Variants in PHACTR1 observed in about 807,000 individuals in gnomAD.
The protein encoded by PHACTR1 is RPEL repeat containing 1.
PHACTR1 carries 16 observed loss-of-function variants against 69.2 expected under a neutral mutation model. That is an observed-to-expected ratio of 0.23 (90% CI 0.16 to 0.35). The LOEUF (loss-of-function observed/expected upper bound fraction) is 0.35. Among genes scored for constraint, PHACTR1 ranks in the 10% least tolerant of loss-of-function variants. The pLI is 1.00. For missense variants in PHACTR1, 510 were observed against 734.7 expected, an observed-to-expected ratio of 0.69 and a Z score of 3.54; for synonymous variants, 312 against 284.5, an observed-to-expected ratio of 1.10 and a Z score of -0.97.
chr6:13,073,065 C>T (rs562400042), intron 5 of PHACTR1, among the ~76,000 whole-genome samples: 2 of 151,970 alleles, frequency 1.3e-5, no homozygotes, highest in East Asian at 1.9e-4. Flanking sequence ...TTGCAAAGGA[C>T]CAATCCACCG....
intron 7 of PHACTR1, among the ~76,000 whole-genome samples, chr6:13,191,902 C>T (rs1487720585): frequency 6.6e-6 from 1 of 152,178 alleles, no homozygotes; most frequent in Non-Finnish European, 1.5e-5. Flanking sequence ...TCTCAAAATG[C>T]AGAAGTTTTT....
At chr6:13,138,332 G>A (rs1821874296) in intron 5 of PHACTR1, among the ~76,000 whole-genome samples, 1 of 152,188 alleles carries the variant, frequency 6.6e-6, no homozygotes, top group South Asian at 2.1e-4. Flanking sequence ...ACATCTCAAA[G>A]GCCCAGAGAA....
intron 7 of PHACTR1, among the ~76,000 whole-genome samples, chr6:13,191,269 G>A (rs752073371): frequency 6.6e-5 from 10 of 152,168 alleles, no homozygotes; most frequent in Non-Finnish European, 1.3e-4. Flanking sequence ...TTGCATAGAA[G>A]TCTCTCTTGG....
At chr6:13,240,293 T>A (rs1408443526) in intron 10 of PHACTR1, among the ~76,000 whole-genome samples, 1 of 152,180 alleles carries the variant, frequency 6.6e-6, no homozygotes, top group Non-Finnish European at 1.5e-5. Flanking sequence ...AAGACTGGGC[T>A]GTTTATTACT....
intron 5 of PHACTR1, among the ~76,000 whole-genome samples, chr6:13,105,456 C>CA (rs1212980531): frequency 6.6e-6 from 1 of 152,020 alleles, no homozygotes; most frequent in Non-Finnish European, 1.5e-5. Flanking sequence ...GCCCCAGTTC[C>CA]AAAAAGGTTT....
At chr6:13,085,642 T>C (rs1318562169) in intron 5 of PHACTR1, among the ~76,000 whole-genome samples, 2 of 152,208 alleles carry the variant, frequency 1.3e-5, no homozygotes, top group East Asian at 1.9e-4. Flanking sequence ...TATCAACTTA[T>C]ACCTCTCAAG....
chr6:12,909,113 G>A (rs1297350521), intron 4 of PHACTR1, among the ~76,000 whole-genome samples: 1 of 152,184 alleles, frequency 6.6e-6, no homozygotes, highest in African/African-American at 2.4e-5. Flanking sequence ...CAGTACTTGA[G>A]TGGATGTGAG....
intron 4 of PHACTR1, among the ~76,000 whole-genome samples, chr6:12,919,697 A>T (rs1301120349): frequency 4.6e-5 from 7 of 152,236 alleles, no homozygotes; most frequent in Admixed American, 3.9e-4. Context: ...ATCTAATTCC[A>T]AAGTCAAGTT....
At chr6:13,028,381 C>T (rs1445999000) in intron 4 of PHACTR1, among the ~76,000 whole-genome samples, 1 of 152,190 alleles carries the variant, frequency 6.6e-6, no homozygotes, top group Non-Finnish European at 1.5e-5. Context: ...GCTGGACATA[C>T]TTATTCAGTG....
chr6:12,755,995 G>C (rs896897480), intron 4 of PHACTR1, among the ~76,000 whole-genome samples: 4 of 151,968 alleles, frequency 2.6e-5, no homozygotes, highest in African/African-American at 9.7e-5. Flanking sequence ...TTTTCTTCAC[G>C]TGCATATAAA....
chr6:13,162,394 T>A (rs1005184085), intron 6 of PHACTR1, among the ~76,000 whole-genome samples: 23 of 152,278 alleles, frequency 1.5e-4, no homozygotes, highest in Admixed American at 1.2e-3. Flanking sequence ...CCCAAAGTGC[T>A]GGGATTACAG....
intron 5 of PHACTR1, among the ~76,000 whole-genome samples, chr6:13,102,990 C>T (rs565034818): frequency 1.2e-4 from 18 of 152,256 alleles, no homozygotes; most frequent in African/African-American, 4.8e-5. Context: ...GCAGTCCAAG[C>T]CATGCTATTT....
intron 4 of PHACTR1, among the ~76,000 whole-genome samples, chr6:12,854,123 A>G (rs926550739): frequency 1.3e-5 from 2 of 152,206 alleles, no homozygotes; most frequent in Non-Finnish European, 2.9e-5. Context: ...TATGCCATGA[A>G]AAACCTTCAA....
At chr6:12,934,304 C>T (rs528339615) in intron 4 of PHACTR1, among the ~76,000 whole-genome samples, 7 of 152,344 alleles carry the variant, frequency 4.6e-5, no homozygotes, top group African/African-American at 9.6e-5. Context: ...CCTAACCTAA[C>T]GACCTTGTTT....
chr6:12,963,223 A>G (rs1792977723), intron 4 of PHACTR1, among the ~76,000 whole-genome samples: 1 of 152,228 alleles, frequency 6.6e-6, no homozygotes, highest in African/African-American at 2.4e-5. Context: ...GGCATGGACG[A>G]AAAAGTAATA....
At chr6:12,754,359 T>G (rs1366357812) in intron 4 of PHACTR1, among the ~76,000 whole-genome samples, 1 of 152,172 alleles carries the variant, frequency 6.6e-6, no homozygotes. Flanking sequence ...TTCACTCTTT[T>G]GCTGAAGAAT....
At chr6:13,202,516 C>T (rs1003187206) in intron 7 of PHACTR1, among the ~76,000 whole-genome samples, 4 of 142,630 alleles carry the variant, frequency 2.8e-5, no homozygotes, top group South Asian at 2.2e-4. Context: ...GAGTTTCACT[C>T]GCCCAGGCTA....
chr6:13,095,004 G>A (rs1444936867), intron 5 of PHACTR1, among the ~76,000 whole-genome samples: 1 of 152,122 alleles, frequency 6.6e-6, no homozygotes, highest in Admixed American at 6.5e-5. Context: ...ACTCACCAGA[G>A]AGCTTGCTAG....
intron 5 of PHACTR1, among the ~76,000 whole-genome samples, chr6:13,103,645 G>T (rs371381890): frequency 1.3e-4 from 20 of 152,242 alleles, no homozygotes; most frequent in African/African-American, 4.8e-4. Flanking sequence ...AAACTTACAG[G>T]AAAGTTGTGA....
Sources: allele counts gnomAD v4.1 joint callset (sites outside exome capture counted in the v4.1 genomes callset), GRCh38; gene constraint gnomAD v4.1.1; transcripts MANE v1.5; gene names NCBI Gene and HGNC (gene_info 2026-07-23, HGNC 2026-07-21).